The following MEGF8 variants were observed in gnomAD, a reference collection of about 807,000 sequenced individuals.
MEGF8 encodes multiple epidermal growth factor-like domains protein 8.
MEGF8 carries 156 observed loss-of-function variants against 302.9 expected under a neutral mutation model. The ratio of observed to expected loss-of-function variants is 0.52; its 90% CI spans 0.45 to 0.59. The LOEUF (loss-of-function observed/expected upper bound fraction) is 0.59, where lower values mean the gene tolerates loss of function less well. Ranked by LOEUF, MEGF8 falls within the 20% of genes least tolerant of loss-of-function variation. The pLI is 0.00. For missense variants in MEGF8, 3,345 were observed against 3,964.5 expected (o/e 0.84, Z 4.20); for synonymous variants, 1,621 against 1,660.5 (o/e 0.98, Z 0.58).
At chr19:42,371,819 A>G (rs542163093) in intron 41 of MEGF8, among the ~76,000 whole-genome samples, 2 of 152,192 alleles carry the variant, frequency 1.3e-5, no homozygotes, top group East Asian at 1.9e-4. Context: ...ATGGTTGCTC[A>G]TGTCTGTAAT....
intron 41 of MEGF8, among the ~76,000 whole-genome samples, chr19:42,374,410 G>A (rs1232734297): frequency 1.3e-5 from 2 of 149,872 alleles, no homozygotes; most frequent in Admixed American, 1.3e-4. Context: ...GGCAGAGGTT[G>A]CAGTGAGCCG....
At chr19:42,363,501 G>A (rs1445933976) in intron 35 of MEGF8, among the ~76,000 whole-genome samples, 2 of 151,982 alleles carry the variant, frequency 1.3e-5, no homozygotes, top group Non-Finnish European at 2.9e-5. Context: ...CCAACCCCTG[G>A]CCTCTGCCTC....
At position 42,376,979 on chromosome 19, in the gene MEGF8, G is replaced by A; in HGVS notation, c.*204G>A. ...CCTACTCTGTCAGGCACTGTCATAG[G>A]CGTGGGGCAAAGCAGGAACCAAGAG... On this transcript the variant is annotated 3_prime_UTR_variant, in exon 42 of 42. Transcript: ENST00000251268. The surrounding 1 kb of genome is among the most constrained non-coding windows in gnomAD (Gnocchi z 8.2). 1 of 515,332 alleles carries A rather than the reference G, an allele frequency of 1.9e-6. No individual in the cohort carries two copies. Among genetic ancestry groups the A allele is most frequent in the East Asian group, 3.3e-5 (1 of 30,250 alleles). The allele number at this position is 515,332 out of a possible 1,614,324, so 31.9% of individuals were successfully genotyped here.
chr19:42,334,707 G>A (rs907973377), intron 3 of MEGF8, among the ~76,000 whole-genome samples: 2 of 152,136 alleles, frequency 1.3e-5, no homozygotes, highest in Non-Finnish European at 2.9e-5. Context: ...CCAGCCTGCC[G>A]TCTTTCTGTC....
Position 42,344,566 on chromosome 19 carries a change from G to T in MEGF8, c.1914G>T (p.Glu638Asp). Residue 638 changes from glutamate (E) to aspartate (D), a missense_variant, in exon 11 of 42, where the codon GAG (glutamate) becomes GAT (aspartate). Glu to Asp is a conservative substitution (Grantham distance 45, BLOSUM62 2). Transcript: ENST00000251268. This position sits in a 1 kb window ranked among gnomAD's most constrained non-coding sequence, Gnocchi z 4.5. ...PGTLGWCVHN[E>D]SCLPRPEQAR... is the part of the protein sequence containing the mutation. ...CCCTGGGCTGGTGCGTGCACAATGA[G>T]AGCTGCCTCCCTAGGCCTGGTGAGT... The T allele has an allele frequency of 6.3e-7, 1 of 1,597,672 alleles. No homozygotes were observed.
chr19:42,362,963 G>A, intron 34 of MEGF8, 85 bp from the exon 35 acceptor site: 1 of 1,181,182 alleles, frequency 8.5e-7, no homozygotes, highest in Non-Finnish European at 1.2e-6. Context: ...GAGGGGCTGG[G>A]CCTGAGCTCC....
At position 42,356,608 on chromosome 19, in the gene MEGF8, C is replaced by T. The variant is rs2039456115; in HGVS notation, c.4622+155C>T. Among the ~76,000 whole-genome samples the T allele has an allele frequency of 6.6e-6, 1 of 152,150 alleles. No individual in the cohort carries two copies. The highest frequency in any genetic ancestry group is 6.5e-5 in the Admixed American group (1 of 15,290). ...GTCACAGGAAGCTCACCCGGGGACA[C>T]TTGGGGACCAGGGTACTTATTTGGG... On this transcript the variant is annotated intron_variant, in intron 26 of 41. Coordinates refer to ENST00000251268, the MANE Select transcript of MEGF8 (RefSeq NM_001271938.2). This position sits in a 1 kb window ranked among gnomAD's most constrained non-coding sequence, Gnocchi z 5.2.
intron 8 of MEGF8, among the ~76,000 whole-genome samples, chr19:42,341,715 G>A (rs1406613704): frequency 6.6e-6 from 1 of 152,190 alleles, no homozygotes; most frequent in Non-Finnish European, 1.5e-5. Flanking sequence ...CCAACGTGCT[G>A]TGATTATAGA....
In MEGF8 at chr19:42,357,854, C is replaced by T. The variant is rs911140822; in HGVS notation, c.5011+270C>T. ...TCCCTGCTTCTCAAGGGTTCTTCCTCGATCACACCTCCTTTCTTTGATCAC... is the reference window on the plus strand; with the variant it reads ...TCCCTGCTTCTCAAGGGTTCTTCCTTGATCACACCTCCTTTCTTTGATCAC... On this transcript the variant is annotated intron_variant, in intron 28 of 41. Coordinates refer to ENST00000251268, the MANE Select transcript of MEGF8 (RefSeq NM_001271938.2). The surrounding 1 kb of genome is among the most constrained non-coding windows in gnomAD (Gnocchi z 5.2). Among the ~76,000 whole-genome samples the T allele has an allele frequency of 1.3e-5, 2 of 152,166 alleles. No homozygotes were observed. Among genetic ancestry groups the T allele is most frequent in the Admixed American group, 6.5e-5 (1 of 15,274 alleles).
intron 1 of MEGF8, among the ~76,000 whole-genome samples, chr19:42,329,160 T>C (rs1457004400): frequency 6.6e-6 from 1 of 152,130 alleles, no homozygotes; most frequent in Non-Finnish European, 1.5e-5. Flanking sequence ...TATGGCACTT[T>C]TGACTGGGAG....
Position 42,370,824 on chromosome 19 carries a change from T to G in MEGF8, c.7129T>G (p.Cys2377Gly). Residue 2377 changes from cysteine (C) to glycine (G), a missense_variant, in exon 40 of 42, where the codon TGC becomes GGC. Coordinates refer to ENST00000251268, the MANE Select transcript of MEGF8 (RefSeq NM_001271938.2). Reference sequence around the variant, plus strand: ...GGGCTACTTCCTCCTGGACGGGAAGTGCACCAAGTAAGAGGAACCGGGGGG... The same window carrying G: ...GGGCTACTTCCTCCTGGACGGGAAGGGCACCAAGTAAGAGGAACCGGGGGG... Reference protein sequence around the residue: ...LQGYFLLDGKCTKCQCNGHAD... With the variant: ...LQGYFLLDGKGTKCQCNGHAD... The G allele has an allele frequency of 1.6e-6, 1 of 642,618 alleles. No individual in the cohort carries two copies. Among genetic ancestry groups the G allele is most frequent in the Non-Finnish European group, 2.6e-6 (1 of 390,920 alleles). The allele number at this position is 642,618 out of a possible 1,614,324, so 39.8% of individuals were successfully genotyped here.
Position 42,360,983 on chromosome 19 carries a change from C to T in MEGF8, c.5697C>T (p.Cys1899=). The stretch of plus-strand genomic sequence containing the variant: ...CCTGCACCTGGTGCCATGGGGCCTG[C>T]TTGTCCGGGGATCAGGCCCACAGGT... ...SGACTWCHGA[C]LSGDQAHRLG... The change falls in exon 32 of 42, where the codon TGC becomes TGT. Residue 1899 remains cysteine (C), a synonymous_variant. Transcript: ENST00000251268. The T allele has an allele frequency of 6.4e-7, 1 of 1,565,152 alleles. No individual in the cohort carries two copies. Among genetic ancestry groups the T allele is most frequent in the South Asian group, 1.2e-5 (1 of 84,124 alleles).
chr19:42,349,809 G>A lies in MEGF8; in HGVS notation c.2499+110G>A, dbSNP rs764083490. On this transcript the variant is annotated intron_variant, in intron 14 of 41. Transcript: ENST00000251268. ...TCTGAAATCCCTAGATTCTGGCCTC[G>A]GACTCCTTAACTCTTGGCCTCTGAA... 19 of 1,187,040 alleles carry A rather than the reference G, an allele frequency of 1.6e-5. No individual in the cohort carries two copies. In the Admixed American group the frequency reaches 3.0e-4, roughly 19 times the overall value. The allele number at this position is 1,187,040 out of a possible 1,614,324, so 73.5% of individuals were successfully genotyped here. A position where few individuals can be genotyped will look rare whatever the true frequency, so the allele number is the denominator to read the frequency against.
Position 42,369,792 on chromosome 19 carries a change from C to T in MEGF8, c.6834+69C>T, listed in dbSNP as rs1199250146. 2 of 1,474,964 alleles carry T rather than the reference C, an allele frequency of 1.4e-6. No homozygotes were observed. The highest frequency in any genetic ancestry group is 1.4e-5 in the African/African-American group (1 of 71,864). 91.4% of individuals were successfully genotyped at this position (1,474,964 alleles called of 1,614,324 possible). On this transcript the variant is annotated intron_variant, in intron 38 of 41. Transcript: ENST00000251268. This position sits in a 1 kb window ranked among gnomAD's most constrained non-coding sequence, Gnocchi z 5.7. ...CCCTCACTTGCCTTCATCCCACGCT[C>T]AGGCGGCTCGCATCTCATCCTGAGC...
intron 32 of MEGF8, 131 bp from the exon 33 acceptor site, chr19:42,361,959 A>G (rs1205381401): frequency 3.6e-6 from 5 of 1,374,840 alleles, no homozygotes; most frequent in Non-Finnish European, 4.9e-6. Context: ...GGTGGTGGGG[A>G]CAGCCAGGCT....
chr19:42,361,057 G>T (rs886103101), intron 32 of MEGF8, 51 bp downstream of exon 32: 1 of 1,503,140 alleles, frequency 6.7e-7, no homozygotes, highest in Non-Finnish European at 8.9e-7. Flanking sequence ...CTCTAATGGG[G>T]GTCCTGTGCT....
Position 42,336,827 on chromosome 19 carries a change from C to T in MEGF8, c.1265C>T (p.Ser422Phe). 6.2e-7 allele frequency: 1 copy of T among 1,605,478 alleles called. No homozygotes were observed. The highest frequency in any genetic ancestry group is 1.1e-5 in the South Asian group (1 of 90,690). Residue 422 changes from serine to phenylalanine, a missense_variant, in exon 7 of 42, where the codon TCC becomes TTC. Ser to Phe is a radical substitution (Grantham distance 155). Transcript: ENST00000251268. The surrounding 1 kb of genome is among the most constrained non-coding windows in gnomAD (Gnocchi z 4.8). The stretch of plus-strand genomic sequence containing the variant: ...GGTAGGTTCTCTGTGCGAGTGAACT[C>T]CACTGAGCTTTTCCACGTGGATCGG... ...STARFSVRVN[S>F]TELFHVDRHV...
At position 42,352,397 on chromosome 19, in the gene MEGF8, C is replaced by A; in HGVS notation, c.3291C>A (p.Ser1097Arg). ...PRATCLNTPL[S>R]YECHCQRGYQ... is the part of the protein sequence containing the mutation. The stretch of plus-strand genomic sequence containing the variant: ...CGACCTGCCTGAACACGCCCCTCAG[C>A]TACGAGTGTCACTGCCAGCGGGGCT... Residue 1097 changes from serine to arginine, a missense_variant, in exon 19 of 42, where the codon AGC becomes AGA. Ser to Arg is a moderately radical substitution (Grantham distance 110). Coordinates refer to ENST00000251268, the MANE Select transcript of MEGF8 (RefSeq NM_001271938.2). This position sits in a 1 kb window ranked among gnomAD's most constrained non-coding sequence, Gnocchi z 4.4. 6.3e-7 allele frequency: 1 copy of A among 1,597,132 alleles called. No homozygotes were observed. Among genetic ancestry groups the A allele is most frequent in the Admixed American group, 1.7e-5 (1 of 57,506 alleles).
intron 8 of MEGF8, among the ~76,000 whole-genome samples, chr19:42,339,977 G>C (rs978023167): frequency 1.3e-5 from 2 of 152,160 alleles, no homozygotes; most frequent in Non-Finnish European, 2.9e-5. Flanking sequence ...AGAATTGCTT[G>C]AACCTGGGAG....
Sources: allele counts gnomAD v4.1 joint callset (sites outside exome capture counted in the v4.1 genomes callset), GRCh38; gene constraint gnomAD v4.1.1; non-coding constraint Gnocchi (gnomAD v3.1); transcripts MANE v1.5; gene names NCBI Gene and HGNC (gene_info 2026-07-23, HGNC 2026-07-21).